CUX1: variants seen among roughly 807,000 people sequenced by gnomAD.
CUX1 encodes the protein protein CASP.
A neutral mutation model predicts 158.8 loss-of-function variants in CUX1; 31 were observed. The ratio of observed to expected loss-of-function variants is 0.20; its 90% CI spans 0.15 to 0.26. The LOEUF is 0.26. Ranked by LOEUF, CUX1 falls within the 10% of genes least tolerant of loss-of-function variation. CUX1 has a pLI of 1.00. For missense variants in CUX1, 1,589 were observed against 2,014.6 expected, an observed-to-expected ratio of 0.79 and a Z score of 4.04; for synonymous variants, 879 against 862.1, an observed-to-expected ratio of 1.02 and a Z score of -0.34.
intron 23 of CUX1, among the ~76,000 whole-genome samples, chr7:102,241,203 A>C (rs1440844851): frequency 6.6e-6 from 1 of 152,164 alleles, no homozygotes; most frequent in African/African-American, 2.4e-5. Flanking sequence ...GGTAGAACAA[A>C]GTGCACTGGG....
rs10643207 is a variant in CUX1, at chr7:101,976,900, ATTTTT to A, written c.142-51174_142-51170del. ...ATTTGAATAGTCTTTTCCCTTTCTGATTTTTTTTTTTTTTTTTTTTTTTTTTTTGG... is the reference window on the plus strand; with the variant it reads ...ATTTGAATAGTCTTTTCCCTTTCTGATTTTTTTTTTTTTTTTTTTTTTTGG... On this transcript the variant is annotated intron_variant, in intron 2 of 23. Coordinates refer to ENST00000292535, the MANE Select transcript of CUX1 (RefSeq NM_181552.4). Among the ~76,000 whole-genome samples, 214 of 39,450 alleles carry A rather than the reference ATTTTT, an allele frequency of 5.4e-3. 1 individual carries two copies. Among genetic ancestry groups the A allele is most frequent in the African/African-American group, 0.018 (165 of 9,020 alleles). The allele number at this position is 39,450 out of a possible 152,430, so 25.9% of individuals were successfully genotyped here.
In CUX1 at chr7:102,258,011, A is replaced by G; in HGVS notation, c.*8969A>G. ...TATTTGTTTTTCTACATTAAGAGTC[A>G]AAGTTGACCTGGCTGGCGTGGGGGT... On this transcript the variant is annotated 3_prime_UTR_variant, in exon 24 of 24. Transcript: ENST00000292535. 1 of 984,032 alleles carries G rather than the reference A, an allele frequency of 1.0e-6. No homozygotes were observed. Among genetic ancestry groups the G allele is most frequent in the Non-Finnish European group, 1.2e-6 (1 of 829,838 alleles). The allele number at this position is 984,032 out of a possible 1,614,324, so 61.0% of individuals were successfully genotyped here.
chr7:102,176,948 C>CTTT (rs113478597), intron 10 of CUX1, among the ~76,000 whole-genome samples: 2 of 142,570 alleles, frequency 1.4e-5, no homozygotes, highest in Non-Finnish European at 3.0e-5. Context: ...TGACTTTTTC[C>CTTT]TTTTTTTTTT....
At position 101,985,488 on chromosome 7, in the gene CUX1, A is replaced by G. The variant is rs563546195; in HGVS notation, c.142-42610A>G. On this transcript the variant is annotated intron_variant, in intron 2 of 23. Transcript: ENST00000292535. ...ACTGCTGTGCATGTGGCTGTTTGACACCATGCCGTGCTGCAAACTCCACAT... is the reference window on the plus strand; with the variant it reads ...ACTGCTGTGCATGTGGCTGTTTGACGCCATGCCGTGCTGCAAACTCCACAT... 2.6e-5 allele frequency among the ~76,000 whole-genome samples: 4 copies of G among 152,304 alleles called. No homozygotes were observed. In the South Asian group the frequency reaches 6.2e-4, roughly 24 times the overall value.
At chr7:102,129,597 T>C (rs547535308) in intron 8 of CUX1, among the ~76,000 whole-genome samples, 1 of 152,252 alleles carries the variant, frequency 6.6e-6, no homozygotes, top group African/African-American at 2.4e-5. Context: ...AGCAGGAGAA[T>C]GGCTTGAACC....
At chr7:102,234,579 C>T (rs1799332772) in intron 22 of CUX1, among the ~76,000 whole-genome samples, 1 of 151,998 alleles carries the variant, frequency 6.6e-6, no homozygotes, top group Admixed American at 6.6e-5. Flanking sequence ...TGAGCATGTA[C>T]CAGGTGGCTA....
At chr7:101,882,636 G>A (rs1160170032) in intron 1 of CUX1, among the ~76,000 whole-genome samples, 1 of 152,202 alleles carries the variant, frequency 6.6e-6, no homozygotes, top group African/African-American at 2.4e-5. Context: ...CTCAGCAAGT[G>A]AGCGGCTCAC....
intron 21 of CUX1, among the ~76,000 whole-genome samples, chr7:102,233,607 C>T (rs1342909654): frequency 1.3e-5 from 2 of 151,952 alleles, no homozygotes; most frequent in African/African-American, 4.8e-5. Context: ...GCCAACATGG[C>T]GAAAACCCGT....
At chr7:102,147,925 G>A (rs535943240) in intron 8 of CUX1, among the ~76,000 whole-genome samples, 2 of 152,264 alleles carry the variant, frequency 1.3e-5, no homozygotes, top group South Asian at 2.1e-4. Context: ...ACAGTGAACC[G>A]AGATCGCCCC....
intron 3 of CUX1, among the ~76,000 whole-genome samples, chr7:102,064,579 C>G (rs545165471): frequency 6.6e-6 from 1 of 152,310 alleles, no homozygotes; most frequent in Admixed American, 6.5e-5. Flanking sequence ...TGCAGGGAGT[C>G]AGGCGGGTGT....
rs984765606 is a variant in CUX1 at position 101,835,246 on chromosome 7, C to T, written c.30+17577C>T. ...CATGCGTCTCGGGAATCATGGATTA[C>T]GTGACCTTCGTGCTGTGGCTTCTCT... On this transcript the variant is annotated intron_variant, in intron 1 of 23. Coordinates refer to ENST00000292535, the MANE Select transcript of CUX1 (RefSeq NM_181552.4). Among the ~76,000 whole-genome samples, 6 of 152,254 alleles carry T rather than the reference C, an allele frequency of 3.9e-5. 1 individual carries two copies. The South Asian group carries it at 6.2e-4, about 16-fold the overall frequency.
At chr7:102,024,288 T>C (rs1819734379) in intron 2 of CUX1, among the ~76,000 whole-genome samples, 1 of 152,224 alleles carries the variant, frequency 6.6e-6, no homozygotes, top group Non-Finnish European at 1.5e-5. Context: ...CTCATCTGAC[T>C]TGTCTCCTTC....
chr7:102,048,020 CACA>C (rs1749847373), intron 3 of CUX1, among the ~76,000 whole-genome samples: 1 of 152,146 alleles, frequency 6.6e-6, no homozygotes, highest in South Asian at 2.1e-4. Flanking sequence ...CCAGTTGTGT[CACA>C]ACTCCCTTTG....
chr7:102,149,591 T>C (rs1585917482), intron 8 of CUX1, among the ~76,000 whole-genome samples: 2 of 152,340 alleles, frequency 1.3e-5, no homozygotes, highest in East Asian at 1.9e-4. Context: ...GAGACCTCCC[T>C]GTCTCAGTCT....
At chr7:102,126,269 T>C (rs1332952138) in intron 8 of CUX1, among the ~76,000 whole-genome samples, 1 of 151,674 alleles carries the variant, frequency 6.6e-6, no homozygotes, top group Non-Finnish European at 1.5e-5. Context: ...GAACTCCTGG[T>C]CTCAAGTGAT....
chr7:102,075,412 C>T (rs750515862), intron 4 of CUX1, among the ~76,000 whole-genome samples: 4 of 152,138 alleles, frequency 2.6e-5, no homozygotes, highest in African/African-American at 4.8e-5. Context: ...CCTTCCCATG[C>T]ACACACACAC....
At chr7:102,032,014 C>T (rs539752539) in intron 3 of CUX1, among the ~76,000 whole-genome samples, 1 of 151,902 alleles carries the variant, frequency 6.6e-6, no homozygotes, top group Non-Finnish European at 1.5e-5. Context: ...CAACCTCTGC[C>T]TCCCTGGCTC....
chr7:102,280,081 C>T (rs111537304), exon 19 of CUX1: 108 of 1,610,966 alleles, frequency 6.7e-5, no homozygotes, highest in Middle Eastern at 5.0e-4. Flanking sequence ...CGTCCCAGTA[C>T]GAGGAGCGCC....
At chr7:102,215,495 C>T (rs1194958629) in intron 20 of CUX1, among the ~76,000 whole-genome samples, 1 of 152,092 alleles carries the variant, frequency 6.6e-6, no homozygotes, top group Non-Finnish European at 1.5e-5. Flanking sequence ...GAAATGAGTT[C>T]GCTGATAACG....
Sources: allele counts gnomAD v4.1 joint callset (sites outside exome capture counted in the v4.1 genomes callset), GRCh38; gene constraint gnomAD v4.1.1; transcripts MANE v1.5; gene names NCBI Gene and HGNC (gene_info 2026-07-23, HGNC 2026-07-21).